Variants in ANGPT2 observed in about 807,000 individuals in gnomAD.
ANGPT2 encodes angiopoietin-2.
ANGPT2 carries 28 observed loss-of-function variants against 62.9 expected under a neutral mutation model. That is an observed-to-expected ratio of 0.44 (90% confidence interval 0.33 to 0.61). The LOEUF is 0.61. Among genes scored for constraint, ANGPT2 ranks in the 20% least tolerant of loss-of-function variants. The pLI is 0.03. For synonymous variants in ANGPT2, 284 were observed against 207.8 expected (o/e 1.37, Z -3.15); for missense variants, 727 against 594.9 (o/e 1.22, Z -2.31).
At chr8:6,531,795 C>T (rs576771826) in intron 2 of ANGPT2, among the ~76,000 whole-genome samples, 10 of 80,306 alleles carry the variant, frequency 1.2e-4, no homozygotes, top group African/African-American at 3.8e-4. Context: ...GGCTCTTGCT[C>T]GGGCGTAGCA....
At chr8:6,547,060 TG>T (rs1822726679) in intron 1 of ANGPT2, among the ~76,000 whole-genome samples, 1 of 152,068 alleles carries the variant, frequency 6.6e-6, no homozygotes, top group Admixed American at 6.6e-5. Context: ...GTGTGTACCG[TG>T]GTTGCCTTCG....
chr8:6,518,896 A>G lies in ANGPT2; in HGVS notation c.927+968T>C, dbSNP rs192671030. 1.6e-4 allele frequency among the ~76,000 whole-genome samples: 25 copies of G among 152,280 alleles called. No homozygotes were observed. In the East Asian group the frequency reaches 1.7e-3, roughly 11 times the overall value. On this transcript the variant is annotated intron_variant, in intron 5 of 8. Transcript: ENST00000629816. Reference sequence around the variant, plus strand: ...AATGTTTAAGAGAAGCCACATTGAAATATTCTCCGGAAGGGTTTTTTTTTT... The same window carrying G: ...AATGTTTAAGAGAAGCCACATTGAAGTATTCTCCGGAAGGGTTTTTTTTTT...
In ANGPT2 at chr8:6,500,178, A is replaced by T. The variant is rs963350034; in HGVS notation, c.*2923T>A. 2.1e-6 allele frequency: 1 copy of T among 486,500 alleles called. No homozygotes were observed. Among genetic ancestry groups the T allele is most frequent in the East Asian group, 3.8e-5 (1 of 26,110 alleles). The allele number at this position is 486,500 out of a possible 1,614,324, so 30.1% of individuals were successfully genotyped here. On this transcript the variant is annotated 3_prime_UTR_variant, in exon 9 of 9. Coordinates refer to ENST00000629816, the MANE Select transcript of ANGPT2 (RefSeq NM_001118887.2). ...AAATTTGACGATTAACATCCTCAGA[A>T]CTGAGAAAAACAAAAATGAAAAAAG...
intron 1 of ANGPT2, among the ~76,000 whole-genome samples, chr8:6,551,018 C>A (rs964887165): frequency 4.6e-5 from 7 of 152,160 alleles, no homozygotes. Flanking sequence ...CTTTTGAAAC[C>A]AACAAGTGAA....
intron 1 of ANGPT2, among the ~76,000 whole-genome samples, chr8:6,551,540 G>A (rs866104612): frequency 3.9e-5 from 6 of 152,140 alleles, no homozygotes; most frequent in Admixed American, 1.3e-4. Context: ...TGAGGGGCTG[G>A]TGTTCTGATT....
chr8:6,525,823 A>G (rs541357925), intron 3 of ANGPT2, among the ~76,000 whole-genome samples: 2 of 152,332 alleles, frequency 1.3e-5, no homozygotes, highest in Non-Finnish European at 2.9e-5. Flanking sequence ...AGCTGATGAG[A>G]AAAAGCTTAT....
chr8:6,548,618 A>T (rs561429237), intron 1 of ANGPT2, among the ~76,000 whole-genome samples: 8 of 152,236 alleles, frequency 5.3e-5, no homozygotes, highest in Non-Finnish European at 1.0e-4. Flanking sequence ...GGATTTTTGT[A>T]ATGATGGCCG....
chr8:6,559,546 C>CAA (rs141510915), intron 1 of ANGPT2, among the ~76,000 whole-genome samples: 19,481 of 152,104 alleles, frequency 0.13, 1,324 homozygotes, highest in South Asian at 0.18. Flanking sequence ...ATGTTTGCCT[C>CAA]CGTAGTAGGC....
intron 8 of ANGPT2, 123 bp downstream of exon 8, chr8:6,508,809 G>A (rs1044786263): frequency 6.3e-5 from 83 of 1,325,462 alleles, no homozygotes; most frequent in Non-Finnish European, 8.5e-5. Context: ...TCAAGCTAGT[G>A]TGTCTACGTA....
intron 8 of ANGPT2, among the ~76,000 whole-genome samples, chr8:6,506,228 C>T (rs1813703293): frequency 6.6e-6 from 1 of 151,786 alleles, no homozygotes; most frequent in South Asian, 2.1e-4. Context: ...AGGTCAGTGC[C>T]TTCTGGAGCT....
Position 6,562,827 on chromosome 8 carries a change from G to T in ANGPT2, c.108C>A (p.Val36=), listed in dbSNP as rs1825763038. 1.2e-6 allele frequency: 2 copies of T among 1,613,426 alleles called. No individual in the cohort carries two copies. Among genetic ancestry groups the T allele is most frequent in the African/African-American group, 2.7e-5 (2 of 74,644 alleles). ...MDSIGKKQYQ[V]QHGSCSYTFL... ...AAGTGTAGCTGCAGGACCCATGCTG[G>T]ACCTGATATTGCTTCTTTCCTATGC... is the stretch of plus-strand genomic sequence containing the variant. The change falls in exon 1 of 9, where the codon GTC becomes GTA. Residue 36 remains valine (V), a synonymous_variant. Transcript: ENST00000629816.
At chr8:6,557,845 C>G (rs1031500872) in intron 1 of ANGPT2, among the ~76,000 whole-genome samples, 1 of 152,072 alleles carries the variant, frequency 6.6e-6, no homozygotes, top group African/African-American at 2.4e-5. Context: ...TGTATGCATC[C>G]TCTAGATCTC....
In ANGPT2 at chr8:6,523,308, T is replaced by A. The variant is rs537058781; in HGVS notation, c.567-1898A>T. On this transcript the variant is annotated intron_variant, in intron 3 of 8. Transcript: ENST00000629816. The stretch of plus-strand genomic sequence containing the variant: ...CACCACGCCTGGCAGAAAAGCTTTT[T>A]AAAAATTATTTAGAGAGCTGGTAAA... 2.3e-3 allele frequency among the ~76,000 whole-genome samples: 350 copies of A among 152,288 alleles called. 1 individual carries two copies. Among genetic ancestry groups the A allele is most frequent in the Non-Finnish European group, 3.2e-3 (219 of 68,016 alleles).
chr8:6,508,608 A>G, intron 8 of ANGPT2: 2 of 471,678 alleles, frequency 4.2e-6, no homozygotes, highest in South Asian at 9.7e-5. Flanking sequence ...ATAAAGCAAA[A>G]TGTAATTAAA....
At chr8:6,559,558 T>G (rs951126875) in intron 1 of ANGPT2, among the ~76,000 whole-genome samples, 4 of 149,934 alleles carry the variant, frequency 2.7e-5, no homozygotes, top group Non-Finnish European at 4.5e-5. Context: ...GTAGTAGGCA[T>G]CAACTTTATT....
At chr8:6,530,236 G>A (rs562912569) in intron 2 of ANGPT2, among the ~76,000 whole-genome samples, 2 of 152,098 alleles carry the variant, frequency 1.3e-5, no homozygotes, top group African/African-American at 4.8e-5. Context: ...GGCCAGGTAC[G>A]GTGGCTCACG....
rs906353246 is a variant in ANGPT2 at position 6,499,690 on chromosome 8, A to C, written c.*3411T>G. The C allele has an allele frequency of 7.9e-6, 5 of 634,810 alleles. No homozygotes were observed. In the Admixed American group the frequency reaches 1.0e-4, roughly 13 times the overall value. The allele number at this position is 634,810 out of a possible 1,614,324, so 39.3% of individuals were successfully genotyped here. On this transcript the variant is annotated 3_prime_UTR_variant, in exon 9 of 9. Transcript: ENST00000629816. ...CTTTTTATTAATATTCATAACATTT[A>C]TGCAACATGAAGATTCTGAAGGGAC...
intron 1 of ANGPT2, among the ~76,000 whole-genome samples, chr8:6,551,714 A>G (rs1225943505): frequency 6.6e-6 from 1 of 152,254 alleles, no homozygotes; most frequent in Non-Finnish European, 1.5e-5. Flanking sequence ...TTAAGAACCT[A>G]TTCCTTAATA....
chr8:6,506,650 A>G (rs1263297373), intron 8 of ANGPT2, among the ~76,000 whole-genome samples: 1 of 152,092 alleles, frequency 6.6e-6, no homozygotes. Flanking sequence ...TTGTGCCAGG[A>G]TGAAGGAAAC....
Sources: gnomAD v4.1 joint callset for allele counts (sites outside exome capture counted in the v4.1 genomes callset) on GRCh38, gnomAD v4.1.1 for gene constraint, MANE v1.5 for transcripts, NCBI Gene and HGNC (gene_info 2026-07-23, HGNC 2026-07-21) for gene names.